Variants in DYNC2H1 observed in about 807,000 individuals in gnomAD.
DYNC2H1 encodes the protein dynein cytoplasmic 2 heavy chain 1.
In DYNC2H1, 410 loss-of-function variants were observed where a neutral mutation model predicts 570.0. The observed-to-expected ratio is 0.72, with a 90% CI of 0.66 to 0.78. The LOEUF (loss-of-function observed/expected upper bound fraction) is 0.78. Ranked by LOEUF, DYNC2H1 falls within the 30% of genes least tolerant of loss-of-function variation. DYNC2H1 has a pLI of 0.00. For synonymous variants in DYNC2H1, 1,688 were observed against 1,677.6 expected (o/e 1.01, Z -0.15); for missense variants, 4,865 against 5,046.4 (o/e 0.96, Z 1.09).
intron 88 of DYNC2H1, among the ~76,000 whole-genome samples, chr11:103,476,500 A>AT (rs1412526481): frequency 6.6e-6 from 1 of 152,210 alleles, no homozygotes; most frequent in Non-Finnish European, 1.5e-5. Flanking sequence ...TTAGCATATA[A>AT]AGTGCTGTTA....
intron 84 of DYNC2H1, among the ~76,000 whole-genome samples, chr11:103,411,216 G>A (rs961274311): frequency 1.3e-5 from 2 of 152,116 alleles, no homozygotes; most frequent in African/African-American, 4.8e-5. Flanking sequence ...AAATCCAGTG[G>A]TTTAAAGTTG....
intron 85 of DYNC2H1, among the ~76,000 whole-genome samples, chr11:103,444,350 T>C (rs955457242): frequency 6.6e-6 from 1 of 152,024 alleles, no homozygotes; most frequent in Non-Finnish European, 1.5e-5. Flanking sequence ...TCAAGTAGCA[T>C]ATAGTGAATA....
At chr11:103,263,526 G>A (rs551980543) in intron 70 of DYNC2H1, among the ~76,000 whole-genome samples, 1 of 152,208 alleles carries the variant, frequency 6.6e-6, no homozygotes, top group Admixed American at 6.5e-5. Context: ...ACAACACAGT[G>A]CAATCAAATT....
At chr11:103,328,493 A>G (rs1170660234) in intron 82 of DYNC2H1, among the ~76,000 whole-genome samples, 1 of 152,236 alleles carries the variant, frequency 6.6e-6, no homozygotes, top group Non-Finnish European at 1.5e-5. Flanking sequence ...TGTACTTAAC[A>G]AAAAGTAGAT....
chr11:103,411,973 G>C (rs569396052), intron 84 of DYNC2H1, among the ~76,000 whole-genome samples: 11 of 152,064 alleles, frequency 7.2e-5, no homozygotes, highest in African/African-American at 2.4e-4. Context: ...TTTAAATTCT[G>C]TCACAGGTGG....
intron 79 of DYNC2H1, among the ~76,000 whole-genome samples, chr11:103,314,487 G>T (rs1005537477): frequency 6.6e-6 from 1 of 151,984 alleles, no homozygotes; most frequent in Non-Finnish European, 1.5e-5. Context: ...ATAAAAAAAT[G>T]TTGCAATGGA....
chr11:103,144,696 T>G (rs1860145133), intron 18 of DYNC2H1, among the ~76,000 whole-genome samples: 1 of 151,964 alleles, frequency 6.6e-6, no homozygotes, highest in Non-Finnish European at 1.5e-5. Context: ...AAATAGAGAA[T>G]TTGGATTTTA....
chr11:103,351,029 C>G (rs980492425), intron 82 of DYNC2H1, among the ~76,000 whole-genome samples: 5 of 152,150 alleles, frequency 3.3e-5, no homozygotes, highest in Admixed American at 2.6e-4. Context: ...CACTTTACAG[C>G]AAACTATCCC....
rs1275029825 is a variant in DYNC2H1 at position 103,228,861 on chromosome 11, G to T, written c.9354-2399G>T. ...AGAGAAAGAACACCTGGTGGGGGCA[G>T]GGATAGATGTATCTGAGCTCAGCCT... On this transcript the variant is annotated intron_variant, in intron 59 of 88. Coordinates refer to ENST00000375735, the MANE Select transcript of DYNC2H1 (RefSeq NM_001377.3). This position sits in a 1 kb window ranked among gnomAD's most constrained non-coding sequence, Gnocchi z 6.1. Among the ~76,000 whole-genome samples the T allele has an allele frequency of 1.3e-5, 2 of 152,142 alleles. No homozygotes were observed. Among genetic ancestry groups the T allele is most frequent in the East Asian group, 3.9e-4 (2 of 5,188 alleles).
In DYNC2H1 at chr11:103,316,596, A is replaced by G; in HGVS notation, c.11701A>G (p.Asn3901Asp). 1 of 1,551,612 alleles carries G rather than the reference A, an allele frequency of 6.4e-7. No homozygotes were observed. ...TTTATCAGATCTTCGGGCTGGGTAC[A>G]ACATTATTGACAGACTTTTTGATGG... Reference protein sequence around the residue: ...FSLSDLRAGYNIIDRLFDGAK... With the variant: ...FSLSDLRAGYDIIDRLFDGAK... The change falls in exon 80 of 89, where the codon AAC (asparagine) becomes GAC (aspartate). Residue 3901 changes from asparagine to aspartate, a missense_variant. By Grantham distance (23) the Asn-to-Asp change is conservative. This residue lies in a region of DYNC2H1 where 2,401 missense variants were observed against 2,454.6 expected (regional missense o/e 0.98). Transcript: ENST00000375735.
In DYNC2H1 at chr11:103,321,214, C is replaced by CT. The variant is rs1282227984; in HGVS notation, c.11912dup (p.Pro3972ThrfsTer14). The CT allele has an allele frequency of 6.2e-7, 1 of 1,609,154 alleles. No homozygotes were observed. On this transcript the variant is annotated frameshift_variant, in exon 81 of 89. Transcript: ENST00000375735. LOFTEE classifies it high-confidence loss of function. ...AAGCATTTTTCCATATTCCGTATCT[C>CT]TACCACAATCCTGCAGCATTTTGGT...
In DYNC2H1 at chr11:103,163,264, C is replaced by T. The variant is rs1002735396; in HGVS notation, c.4611+117C>T. ...TTTTCTCCCTTTATCTAACAGTTAA[C>T]GGACAAATTGCTTAACTTCTGAGTC... On this transcript the variant is annotated intron_variant, in intron 30 of 88. Transcript: ENST00000375735. The surrounding 1 kb of genome is among the most constrained non-coding windows in gnomAD (Gnocchi z 4.6). The T allele has an allele frequency of 1.9e-4, 230 of 1,224,352 alleles. No homozygotes were observed. Among genetic ancestry groups the T allele is most frequent in the Non-Finnish European group, 2.2e-4 (203 of 916,758 alleles). 75.8% of individuals were successfully genotyped at this position (1,224,352 alleles called of 1,614,324 possible). A position where few individuals can be genotyped will look rare whatever the true frequency, so the allele number is the denominator to read the frequency against.
At chr11:103,287,718 C>A in intron 75 of DYNC2H1, 113 bp downstream of exon 75, 1 of 862,232 alleles carries the variant, frequency 1.2e-6, no homozygotes, top group Non-Finnish European at 1.7e-6. Flanking sequence ...CTCTTTTATT[C>A]ATTCTGTTTA....
chr11:103,358,445 A>C lies in DYNC2H1; in HGVS notation c.12156+86A>C, dbSNP rs2514408. ...TCCCCATTTCTGCCTGAGTCATACA[A>C]GTAATCACATTGCAGAGGTTCCTAA... On this transcript the variant is annotated intron_variant, in intron 83 of 88. Coordinates refer to ENST00000375735, the MANE Select transcript of DYNC2H1 (RefSeq NM_001377.3). The C allele has an allele frequency of 0.61, 539,021 of 889,416 alleles. 168,203 individuals are homozygous for C. The highest frequency in any genetic ancestry group is 0.7 in the Admixed American group (34,593 of 49,378). The allele number at this position is 889,416 out of a possible 1,614,324, so 55.1% of individuals were successfully genotyped here.
At chr11:103,179,258 A>C in intron 39 of DYNC2H1, 25 bp downstream of exon 39, 1 of 1,594,610 alleles carries the variant, frequency 6.3e-7, no homozygotes, top group Non-Finnish European at 8.6e-7. Context: ...ATTTATATAC[A>C]GTATATTAGA....
Position 103,209,292 on chromosome 11 carries a change from A to G in DYNC2H1, c.8455-584A>G, listed in dbSNP as rs966964845. ...TTCAGGACACTAAACTTTCTTTTGT[A>G]TATTCTAAAGTAGCATTCTTATAAG... On this transcript the variant is annotated intron_variant, in intron 52 of 88. Transcript: ENST00000375735. This position sits in a 1 kb window ranked among gnomAD's most constrained non-coding sequence, Gnocchi z 4.2. Among the ~76,000 whole-genome samples, 4 of 151,920 alleles carry G rather than the reference A, an allele frequency of 2.6e-5. No individual in the cohort carries two copies.
intron 73 of DYNC2H1, among the ~76,000 whole-genome samples, chr11:103,284,561 G>A (rs1866273393): frequency 6.6e-6 from 1 of 152,024 alleles, no homozygotes; most frequent in Non-Finnish European, 1.5e-5. Context: ...TAGCAATGAT[G>A]GGGCCTTGTA....
At chr11:103,436,680 T>C (rs923791973) in intron 85 of DYNC2H1, among the ~76,000 whole-genome samples, 1 of 152,106 alleles carries the variant, frequency 6.6e-6, no homozygotes. Flanking sequence ...TCCACAAGTC[T>C]GTTCACATTT....
chr11:103,376,754 T>G (rs1465214095), intron 83 of DYNC2H1, among the ~76,000 whole-genome samples: 1 of 147,414 alleles, frequency 6.8e-6, no homozygotes, highest in Non-Finnish European at 1.5e-5. Context: ...GTATTCTTTG[T>G]TATAAATTAA....
Sources: allele counts gnomAD v4.1 joint callset (sites outside exome capture counted in the v4.1 genomes callset), GRCh38; gene constraint gnomAD v4.1.1; regional missense constraint gnomAD v4.1.1; non-coding constraint Gnocchi (gnomAD v3.1); transcripts MANE v1.5; gene names NCBI Gene and HGNC (gene_info 2026-07-23, HGNC 2026-07-21).